Variants in SCMH1 observed in about 807,000 individuals in gnomAD.
SCMH1 encodes the protein Scm polycomb group protein homolog 1.
Under a neutral mutation model 70.8 loss-of-function variants are expected in SCMH1, and 37 were observed. The observed-to-expected ratio is 0.52, with a 90% confidence interval of 0.40 to 0.69. SCMH1 has a LOEUF of 0.69. Ranked by LOEUF, SCMH1 falls within the 30% of genes least tolerant of loss-of-function variation. SCMH1 has a pLI of 0.00. For synonymous variants in SCMH1, 292 were observed against 307.4 expected, an observed-to-expected ratio of 0.95 and a Z score of 0.52; for missense variants, 607 against 827.3, an observed-to-expected ratio of 0.73 and a Z score of 3.27.
rs144996334 is a variant in SCMH1 at position 41,129,828 on chromosome 1, C to T, written c.413-12818G>A. ...AATAGTTGGGGGTCTCACTATGTTG[C>T]CCAGGCTGGCCTCGAACTCCTGGGT... On this transcript the variant is annotated intron_variant, in intron 6 of 14. Coordinates refer to ENST00000337495, the Ensembl canonical transcript of SCMH1. Among the ~76,000 whole-genome samples, 1,002 of 152,256 alleles carry T rather than the reference C, an allele frequency of 6.6e-3. 13 individuals are homozygous for T. Among genetic ancestry groups the T allele is most frequent in the African/African-American group, 0.023 (964 of 41,540 alleles).
At chr1:41,046,274 T>C in intron 12 of SCMH1, 133 bp downstream of exon 12, 6 of 679,472 alleles carry the variant, frequency 8.8e-6, no homozygotes, top group Non-Finnish European at 1.5e-5. Context: ...ATGGCAAAGG[T>C]AAGGGACAGA....
At chr1:41,205,700 T>A (rs750067174) in intron 1 of SCMH1, among the ~76,000 whole-genome samples, 2 of 152,186 alleles carry the variant, frequency 1.3e-5, no homozygotes, top group Admixed American at 6.5e-5. Flanking sequence ...CTTCTGCAGA[T>A]TTAAACATCC....
intron 4 of SCMH1, among the ~76,000 whole-genome samples, chr1:41,160,527 C>T (rs1382065231): frequency 6.6e-6 from 1 of 152,110 alleles, no homozygotes; most frequent in Admixed American, 6.5e-5. Context: ...AAAAATCCCA[C>T]CAAACACTGA....
At chr1:41,130,749 T>C (rs981419450) in intron 6 of SCMH1, among the ~76,000 whole-genome samples, 3 of 152,142 alleles carry the variant, frequency 2.0e-5, no homozygotes, top group African/African-American at 4.8e-5. Flanking sequence ...AATATTTTCA[T>C]CACTCCTCCA....
At chr1:41,147,947 T>C (rs1031010231) in intron 5 of SCMH1, among the ~76,000 whole-genome samples, 7 of 152,200 alleles carry the variant, frequency 4.6e-5, no homozygotes, top group South Asian at 2.1e-4. Flanking sequence ...AGGCAGTATA[T>C]AATTGGGTTT....
At chr1:41,155,604 T>A (rs1179495242) in intron 4 of SCMH1, among the ~76,000 whole-genome samples, 7 of 152,040 alleles carry the variant, frequency 4.6e-5, no homozygotes, top group African/African-American at 7.3e-5. Flanking sequence ...TTTTGAAATT[T>A]AAAAAAATAA....
At chr1:41,219,182 C>A (rs1658720724) in intron 1 of SCMH1, among the ~76,000 whole-genome samples, 1 of 152,240 alleles carries the variant, frequency 6.6e-6, no homozygotes, top group Non-Finnish European at 1.5e-5. Flanking sequence ...GGGTGATGTG[C>A]CCCAATTCCA....
chr1:41,100,009 T>G (rs1022350805), intron 8 of SCMH1, among the ~76,000 whole-genome samples: 4 of 152,182 alleles, frequency 2.6e-5, no homozygotes, highest in African/African-American at 9.7e-5. Context: ...TGACCTACAC[T>G]CTTTTCCATG....
At chr1:41,152,852 T>C (rs945907852) in intron 4 of SCMH1, 34 of 1,122,468 alleles carry the variant, frequency 3.0e-5, no homozygotes, top group Non-Finnish European at 3.9e-5. Context: ...CTGGTTCCTT[T>C]CCCACTACCC....
intron 2 of SCMH1, among the ~76,000 whole-genome samples, chr1:41,168,840 C>T (rs907898810): frequency 1.3e-5 from 2 of 151,744 alleles, no homozygotes; most frequent in South Asian, 2.1e-4. Flanking sequence ...TTTGATGGTC[C>T]CCTCGAGCTT....
rs150395782 is a variant in SCMH1, at chr1:41,109,136, T to G, written c.745+4147A>C. Among the ~76,000 whole-genome samples the G allele has an allele frequency of 2.6e-4, 40 of 152,312 alleles. 1 individual carries two copies. In the East Asian group the frequency reaches 6.7e-3, roughly 26 times the overall value. ...GGCTCTACTAAAAGATCTCCATGGT[T>G]TCACTCTCTAGACTCAGATATCAAC... On this transcript the variant is annotated intron_variant, in intron 8 of 14. Coordinates refer to ENST00000337495, the Ensembl canonical transcript of SCMH1.
chr1:41,111,470 G>A (rs1033412258), intron 8 of SCMH1, among the ~76,000 whole-genome samples: 1 of 152,184 alleles, frequency 6.6e-6, no homozygotes, highest in African/African-American at 2.4e-5. Context: ...CTCCTGAGTA[G>A]CTGAGATTAC....
At chr1:41,073,345 A>G (rs772437043) in intron 9 of SCMH1, among the ~76,000 whole-genome samples, 14 of 152,228 alleles carry the variant, frequency 9.2e-5, no homozygotes, top group Non-Finnish European at 1.8e-4. Context: ...AGTCCCCCAG[A>G]TAAGTTTTCT....
intron 4 of SCMH1, among the ~76,000 whole-genome samples, chr1:41,159,201 G>C (rs1645815340): frequency 6.6e-6 from 1 of 152,120 alleles, no homozygotes; most frequent in South Asian, 2.1e-4. Context: ...AAATATGCAG[G>C]ATTAACTTAC....
At chr1:41,094,152 A>C (rs1423482197) in intron 8 of SCMH1, among the ~76,000 whole-genome samples, 1 of 152,220 alleles carries the variant, frequency 6.6e-6, no homozygotes, top group Non-Finnish European at 1.5e-5. Context: ...ATATCTACTC[A>C]AAGGCTGGGA....
chr1:41,034,135 A>G, intron 13 of SCMH1, 87 bp from the exon 14 acceptor site: 1 of 1,520,248 alleles, frequency 6.6e-7, no homozygotes, highest in Non-Finnish European at 8.9e-7. Flanking sequence ...AGGTGAGATG[A>G]CTGACTCAAG....
chr1:41,200,510 TA>T (rs1331797177), intron 1 of SCMH1, among the ~76,000 whole-genome samples: 32 of 144,938 alleles, frequency 2.2e-4, no homozygotes, highest in Middle Eastern at 3.7e-3. Context: ...ATAATAATAA[TA>T]ATAATATAAT....
At position 41,028,334 on chromosome 1, in the gene SCMH1, G is replaced by T; in HGVS notation, c.1822-15C>A. 6.2e-7 allele frequency: 1 copy of T among 1,613,396 alleles called. No individual in the cohort carries two copies. Among genetic ancestry groups the T allele is most frequent in the Non-Finnish European group, 8.5e-7 (1 of 1,179,578 alleles). On this transcript the variant is annotated splice_polypyrimidine_tract_variant and intron_variant, in intron 14 of 14. Transcript: ENST00000337495. Reference sequence around the variant, plus strand: ...CCATCGATCTCCTGGGGGGTGGGGAGGTGGGCAGAAGTGGAAGGGAGGCAC... The same window carrying T: ...CCATCGATCTCCTGGGGGGTGGGGATGTGGGCAGAAGTGGAAGGGAGGCAC...
At chr1:41,168,071 GA>G (rs1298964245) in intron 2 of SCMH1, among the ~76,000 whole-genome samples, 1 of 151,890 alleles carries the variant, frequency 6.6e-6, no homozygotes, top group Non-Finnish European at 1.5e-5. Context: ...CTCTAACTTA[GA>G]ATTTGATTAT....
Sources: allele counts gnomAD v4.1 joint callset (sites outside exome capture counted in the v4.1 genomes callset), GRCh38; gene constraint gnomAD v4.1.1; transcripts MANE v1.5; gene names NCBI Gene and HGNC (gene_info 2026-07-23, HGNC 2026-07-21).